TMEM87B: variants seen among roughly 807,000 people sequenced by gnomAD.
TMEM87B encodes transmembrane protein 87B.
In TMEM87B, 83 loss-of-function variants were observed where a neutral mutation model predicts 80.3. The observed-to-expected ratio is 1.03, with a 90% confidence interval of 0.87 to 1.24. The LOEUF (loss-of-function observed/expected upper bound fraction) is 1.24, where lower values mean the gene tolerates loss of function less well. Ranked by LOEUF, TMEM87B falls within the 50% of genes most tolerant of loss-of-function variation. The pLI is 0.00. For synonymous variants in TMEM87B, 219 were observed against 230.5 expected, an observed-to-expected ratio of 0.95 and a Z score of 0.45; for missense variants, 625 against 674.4, an observed-to-expected ratio of 0.93 and a Z score of 0.81.
At chr2:112,082,260 G>A (rs1161826554) in intron 8 of TMEM87B, among the ~76,000 whole-genome samples, 1 of 152,156 alleles carries the variant, frequency 6.6e-6, no homozygotes, top group Admixed American at 6.6e-5. Flanking sequence ...GCATGATTTT[G>A]TCTGTTATTG....
chr2:112,068,744 C>T (rs1382862126), intron 4 of TMEM87B, among the ~76,000 whole-genome samples: 5 of 152,046 alleles, frequency 3.3e-5, no homozygotes, highest in Non-Finnish European at 7.4e-5. Context: ...CCATGTAGAC[C>T]CTGATGAATT....
chr2:112,085,339 T>C (rs1679110897), intron 8 of TMEM87B, among the ~76,000 whole-genome samples: 1 of 152,226 alleles, frequency 6.6e-6, no homozygotes, highest in Admixed American at 6.5e-5. Context: ...CCGTGTTCTT[T>C]GCTTTGTCAT....
intron 2 of TMEM87B, among the ~76,000 whole-genome samples, chr2:112,060,330 C>T (rs1678211179): frequency 7.2e-6 from 1 of 138,748 alleles, no homozygotes; most frequent in African/African-American, 2.6e-5. Flanking sequence ...GCCTGGGCGA[C>T]ACAGTGAGAC....
chr2:112,057,920 C>T (rs560311607), intron 1 of TMEM87B, among the ~76,000 whole-genome samples: 1,549 of 151,250 alleles, frequency 0.01, 13 homozygotes, highest in Non-Finnish European at 0.014. Flanking sequence ...TTCCACCTCC[C>T]GGGTTCAGGG....
At chr2:112,056,945 A>G (rs922692122) in intron 1 of TMEM87B, among the ~76,000 whole-genome samples, 1 of 152,218 alleles carries the variant, frequency 6.6e-6, no homozygotes, top group African/African-American at 2.4e-5. Flanking sequence ...AGTCAATATA[A>G]CTATATTGGA....
At chr2:112,057,125 T>G (rs1416229554) in intron 1 of TMEM87B, among the ~76,000 whole-genome samples, 1 of 152,214 alleles carries the variant, frequency 6.6e-6, no homozygotes, top group Non-Finnish European at 1.5e-5. Context: ...CTAATTTTAC[T>G]CCTGTGTGAC....
At position 112,098,681 on chromosome 2, in the gene TMEM87B, A is replaced by T; in HGVS notation, c.1359A>T (p.Pro453=). ...ILIVIMFLWR[P]SANNQRYAFM... ...TTGTAATCATGTTTTTGTGGAGACC[A>T]TCAGCAAACAATCAGAGGTACCTAA... is the stretch of plus-strand genomic sequence containing the variant. Residue 453 remains proline, a synonymous_variant, in exon 14 of 19, where the codon CCA becomes CCT. Coordinates refer to ENST00000283206, the MANE Select transcript of TMEM87B (RefSeq NM_032824.3). The T allele has an allele frequency of 6.2e-7, 1 of 1,614,120 alleles. No individual in the cohort carries two copies. The highest frequency in any genetic ancestry group is 8.5e-7 in the Non-Finnish European group (1 of 1,180,012).
At chr2:112,099,882 CAAAA>C (rs57117477) in intron 14 of TMEM87B, among the ~76,000 whole-genome samples, 1 of 67,952 alleles carries the variant, frequency 1.5e-5, no homozygotes. Flanking sequence ...GACCCTGTCT[CAAAA>C]AAAAAAAAAA....
chr2:112,091,643 C>G (rs960920282), intron 10 of TMEM87B, 69 bp from the exon 11 acceptor site: 2 of 1,041,830 alleles, frequency 1.9e-6, no homozygotes, highest in Non-Finnish European at 2.9e-6. Context: ...TTTTCTTCAT[C>G]AAATGATAAT....
chr2:112,080,200 A>T (rs1678948513), intron 6 of TMEM87B, among the ~76,000 whole-genome samples: 1 of 150,842 alleles, frequency 6.6e-6, no homozygotes, highest in Non-Finnish European at 1.5e-5. Flanking sequence ...AAGTGCTGGG[A>T]TTACAGGTGT....
chr2:112,075,446 G>A (rs1328119949), intron 5 of TMEM87B, among the ~76,000 whole-genome samples: 1 of 152,130 alleles, frequency 6.6e-6, no homozygotes, highest in East Asian at 1.9e-4. Flanking sequence ...TGTATATACT[G>A]TTACTATCTT....
At chr2:112,089,777 T>C in intron 10 of TMEM87B, 59 bp downstream of exon 10, 1 of 1,501,104 alleles carries the variant, frequency 6.7e-7, no homozygotes, top group South Asian at 1.1e-5. Flanking sequence ...GTGGTTTTAC[T>C]TTGTATCTCC....
intron 9 of TMEM87B, among the ~76,000 whole-genome samples, chr2:112,089,188 TC>T (rs1679232171): frequency 6.6e-6 from 1 of 152,202 alleles, no homozygotes; most frequent in African/African-American, 2.4e-5. Context: ...GTCCTGCTCT[TC>T]CTCTGCCCAA....
chr2:112,113,621 ACT>A (rs1317787499), intron 18 of TMEM87B, among the ~76,000 whole-genome samples: 2 of 152,012 alleles, frequency 1.3e-5, no homozygotes, highest in Non-Finnish European at 2.9e-5. Context: ...AAGATTCATA[ACT>A]CTACAGAAAG....
At chr2:112,106,140 T>C (rs1050663957) in intron 16 of TMEM87B, 65 bp downstream of exon 16, 8 of 1,011,774 alleles carry the variant, frequency 7.9e-6, no homozygotes, top group Non-Finnish European at 9.6e-6. Context: ...TAGAGAGCTA[T>C]ACGAGTGTCA....
chr2:112,097,231 A>T lies in TMEM87B; in HGVS notation c.1214-2A>T. ...TCAAAGGTGACTTTTTGTGTGTTTCAGCTTCTATAGTGTTTATGGGGTGGA... is the reference window on the plus strand; with the variant it reads ...TCAAAGGTGACTTTTTGTGTGTTTCTGCTTCTATAGTGTTTATGGGGTGGA... On this transcript the variant is annotated splice_acceptor_variant, in intron 12 of 18. Coordinates refer to ENST00000283206, the MANE Select transcript of TMEM87B (RefSeq NM_032824.3). LOFTEE classifies it high-confidence loss of function. 6.2e-7 allele frequency: 1 copy of T among 1,608,094 alleles called. No individual in the cohort carries two copies. The highest frequency in any genetic ancestry group is 1.7e-5 in the Admixed American group (1 of 58,458).
chr2:112,072,227 T>C (rs774243683), intron 4 of TMEM87B, among the ~76,000 whole-genome samples: 4 of 152,220 alleles, frequency 2.6e-5, no homozygotes, highest in South Asian at 2.1e-4. Flanking sequence ...ATCAAAGATA[T>C]TGGCCTGAAG....
At chr2:112,069,006 C>A (rs1258600800) in intron 4 of TMEM87B, among the ~76,000 whole-genome samples, 1 of 151,236 alleles carries the variant, frequency 6.6e-6, no homozygotes. Flanking sequence ...TCCTGGCTAA[C>A]AAGGTGAAAC....
At chr2:112,107,357 C>CAAAAAAAAAA in intron 16 of TMEM87B, among the ~76,000 whole-genome samples, 1 of 83,988 alleles carries the variant, frequency 1.2e-5, no homozygotes, top group Non-Finnish European at 2.3e-5. Context: ...GACTCTGTCT[C>CAAAAAAAAAA]AAAAAAAAAA....
Sources: gnomAD v4.1 joint callset for allele counts (sites outside exome capture counted in the v4.1 genomes callset) on GRCh38, gnomAD v4.1.1 for gene constraint, MANE v1.5 for transcripts, NCBI Gene and HGNC (gene_info 2026-07-23, HGNC 2026-07-21) for gene names.